The following SORCS1 variants were observed in gnomAD, a reference collection of about 807,000 sequenced individuals.
The protein encoded by SORCS1 is VPS10 domain-containing receptor SorCS1.
Under a neutral mutation model 146.1 loss-of-function variants are expected in SORCS1, and 60 were observed. That is an observed-to-expected ratio of 0.41 (90% CI 0.33 to 0.51). The LOEUF (loss-of-function observed/expected upper bound fraction) is 0.51. Ranked by LOEUF, SORCS1 falls within the 20% of genes least tolerant of loss-of-function variation. The pLI, the probability that SORCS1 is intolerant of heterozygous loss-of-function variation, is 0.21. For synonymous variants in SORCS1, 637 were observed against 584.0 expected (o/e 1.09, Z -1.31); for missense variants, 1,352 against 1,487.6 (o/e 0.91, Z 1.50).
At chr10:107,008,397 G>A (rs977562539) in intron 1 of SORCS1, among the ~76,000 whole-genome samples, 1 of 152,176 alleles carries the variant, frequency 6.6e-6, no homozygotes, top group African/African-American at 2.4e-5. Context: ...AACTAAACAT[G>A]TAAATGTTAT....
At chr10:106,755,903 C>T (rs113225123) in intron 5 of SORCS1, among the ~76,000 whole-genome samples, 84 of 152,088 alleles carry the variant, frequency 5.5e-4, no homozygotes, top group South Asian at 2.1e-3. Context: ...CTGAGGCAGG[C>T]GGATTGCCTG....
chr10:106,840,467 G>A (rs562460255), intron 2 of SORCS1, among the ~76,000 whole-genome samples: 1 of 150,324 alleles, frequency 6.7e-6, no homozygotes, highest in East Asian at 2.0e-4. Flanking sequence ...TTATGGATAA[G>A]CAAAGAATGT....
intron 2 of SORCS1, among the ~76,000 whole-genome samples, chr10:106,900,118 G>T (rs1286678960): frequency 1.3e-5 from 2 of 152,008 alleles, no homozygotes; most frequent in Non-Finnish European, 2.9e-5. Context: ...TTTCCGTCAA[G>T]AATTCTCATG....
chr10:106,591,209 G>T (rs1034608980), intron 24 of SORCS1, among the ~76,000 whole-genome samples: 1 of 152,140 alleles, frequency 6.6e-6, no homozygotes, highest in South Asian at 2.1e-4. Flanking sequence ...GGTAACAGTC[G>T]CCTGCCAGTC....
chr10:106,994,086 A>AAAAAAAAAAAAAAAAAG (rs1554908001), intron 1 of SORCS1, among the ~76,000 whole-genome samples: 11 of 134,992 alleles, frequency 8.1e-5, no homozygotes, highest in African/African-American at 3.2e-4. Context: ...AAAAAAAAAA[A>AAAAAAAAAAAAAAAAAG]AGAAAATGAG....
chr10:107,112,310 T>C (rs1965751478), intron 1 of SORCS1, among the ~76,000 whole-genome samples: 1 of 152,072 alleles, frequency 6.6e-6, no homozygotes, highest in South Asian at 2.1e-4. Flanking sequence ...TGTTATCAGC[T>C]AAACTAAAAT....
intron 2 of SORCS1, among the ~76,000 whole-genome samples, chr10:106,901,502 G>T (rs1019131713): frequency 2.0e-5 from 3 of 152,080 alleles, no homozygotes; most frequent in African/African-American, 7.2e-5. Context: ...GCATGATCTC[G>T]GCTCACTGCA....
At chr10:106,959,979 C>A (rs910802621) in intron 1 of SORCS1, among the ~76,000 whole-genome samples, 2 of 152,170 alleles carry the variant, frequency 1.3e-5, no homozygotes, top group African/African-American at 4.8e-5. Flanking sequence ...AACACATATA[C>A]ATCTCAAAAT....
intron 5 of SORCS1, among the ~76,000 whole-genome samples, chr10:106,747,553 T>G: frequency 6.6e-6 from 1 of 152,226 alleles, no homozygotes; most frequent in Admixed American, 6.5e-5. Flanking sequence ...CTTTCTTTTG[T>G]GCTCAGTCAA....
chr10:107,112,630 A>C (rs1965770369), intron 1 of SORCS1, among the ~76,000 whole-genome samples: 1 of 152,124 alleles, frequency 6.6e-6, no homozygotes, highest in Non-Finnish European at 1.5e-5. Flanking sequence ...ATGCTACCTA[A>C]AATAGACTCA....
intron 2 of SORCS1, among the ~76,000 whole-genome samples, chr10:106,929,300 T>C (rs775531560): frequency 3.4e-4 from 51 of 152,100 alleles, no homozygotes; most frequent in Admixed American, 9.2e-4. Flanking sequence ...CACTATACAT[T>C]TTATGTGGGA....
At chr10:106,686,486 A>T (rs1171068793) in intron 10 of SORCS1, among the ~76,000 whole-genome samples, 2 of 152,198 alleles carry the variant, frequency 1.3e-5, no homozygotes, top group South Asian at 4.1e-4. Flanking sequence ...GGCATATCCC[A>T]TGCATCTTTG....
chr10:106,962,720 G>A (rs1048449289), intron 1 of SORCS1, among the ~76,000 whole-genome samples: 1 of 152,170 alleles, frequency 6.6e-6, no homozygotes. Flanking sequence ...GGTGCTTCGT[G>A]TAACACATGG....
intron 3 of SORCS1, among the ~76,000 whole-genome samples, chr10:106,779,726 GAT>G (rs1457796081): frequency 1.3e-5 from 2 of 151,970 alleles, no homozygotes; most frequent in African/African-American, 4.8e-5. Flanking sequence ...GACCTCAGGT[GAT>G]CTGCCTGCCT....
chr10:106,724,170 C>T (rs1855981445), intron 6 of SORCS1, among the ~76,000 whole-genome samples: 1 of 152,074 alleles, frequency 6.6e-6, no homozygotes, highest in African/African-American at 2.4e-5. Context: ...TAATTTCCAA[C>T]CCTTACAATT....
At chr10:107,021,411 G>A (rs992767357) in intron 1 of SORCS1, among the ~76,000 whole-genome samples, 4 of 148,612 alleles carry the variant, frequency 2.7e-5, no homozygotes, top group Non-Finnish European at 4.5e-5. Flanking sequence ...CTACTCGGGA[G>A]ACTGAGGCAG....
intron 2 of SORCS1, among the ~76,000 whole-genome samples, chr10:106,830,865 C>T (rs1345489652): frequency 6.6e-6 from 1 of 152,018 alleles, no homozygotes; most frequent in Non-Finnish European, 1.5e-5. Context: ...CACTGCACTC[C>T]AGCCTGGACC....
In SORCS1 at chr10:106,829,662, T is replaced by C; in HGVS notation, c.638A>G (p.Tyr213Cys). 6.2e-7 allele frequency: 1 copy of C among 1,605,146 alleles called. No individual in the cohort carries two copies. The highest frequency in any genetic ancestry group is 8.5e-7 in the Non-Finnish European group (1 of 1,172,824). The change falls in exon 3 of 26, where the codon TAT becomes TGT. Residue 213 changes from tyrosine (Y) to cysteine (C), a missense_variant. Around this residue, in one of 3 missense-constraint regions of SORCS1, gnomAD observed 490 missense variants for 489.1 expected, o/e 1.00. Transcript: ENST00000263054. ...TESSLWRSTD[Y>C]GTTYEKLNDK... ...ATTCAGCTTCTCATAGGTTGTTCCA[T>C]AATCGGTTGACCTATAATCCAAAAA...
At chr10:107,133,859 TTC>T (rs1451263438) in intron 1 of SORCS1, among the ~76,000 whole-genome samples, 1 of 152,218 alleles carries the variant, frequency 6.6e-6, no homozygotes, top group Non-Finnish European at 1.5e-5. Context: ...TTAGATTTTC[TTC>T]TGTCTTTTCT....
Sources: gnomAD v4.1 joint callset for allele counts (sites outside exome capture counted in the v4.1 genomes callset) on GRCh38, gnomAD v4.1.1 for gene constraint, gnomAD v4.1.1 regional missense constraint, MANE v1.5 for transcripts, NCBI Gene and HGNC (gene_info 2026-07-23, HGNC 2026-07-21) for gene names.